IMMP1L: variants seen among roughly 807,000 people sequenced by gnomAD.
The protein encoded by IMMP1L is mitochondrial inner membrane protease subunit 1.
Under a neutral mutation model 21.8 loss-of-function variants are expected in IMMP1L, and 24 were observed. The ratio of observed to expected loss-of-function variants is 1.10; its 90% CI spans 0.80 to 1.55. The LOEUF is 1.55. Ranked by LOEUF, IMMP1L falls within the 40% of genes most tolerant of loss-of-function variation. The pLI is 0.00. For synonymous variants in IMMP1L, 46 were observed against 62.8 expected, an observed-to-expected ratio of 0.73 and a Z score of 1.26; for missense variants, 195 against 200.7, an observed-to-expected ratio of 0.97 and a Z score of 0.17.
chr11:31,501,980 AAAAAAG>A (rs1020719730), intron 1 of IMMP1L, among the ~76,000 whole-genome samples: 2 of 151,894 alleles, frequency 1.3e-5, no homozygotes, highest in African/African-American at 4.8e-5. Flanking sequence ...TGTCTCAAAA[AAAAAAG>A]AAAAAGAAAA....
intron 1 of IMMP1L, among the ~76,000 whole-genome samples, chr11:31,508,819 A>G (rs1296465451): frequency 1.3e-5 from 2 of 152,228 alleles, no homozygotes; most frequent in Non-Finnish European, 2.9e-5. Context: ...TGAAAAAAAA[A>G]TTAAATACAA....
chr11:31,470,288 C>T (rs1954498251), intron 1 of IMMP1L, among the ~76,000 whole-genome samples: 1 of 152,066 alleles, frequency 6.6e-6, no homozygotes, highest in South Asian at 2.1e-4. Context: ...CAGCGCATGC[C>T]TGTAATCCCA....
intron 4 of IMMP1L, among the ~76,000 whole-genome samples, chr11:31,448,166 G>A (rs996449321): frequency 7.2e-5 from 11 of 152,008 alleles, no homozygotes; most frequent in East Asian, 1.9e-4. Flanking sequence ...AAAATTAGCC[G>A]GGCATGGTGG....
chr11:31,463,189 CG>C lies in IMMP1L; in HGVS notation c.87del (p.Tyr29Ter), dbSNP rs1413743678. The C allele has an allele frequency of 2.5e-6, 4 of 1,606,268 alleles. No homozygotes were observed. The highest frequency in any genetic ancestry group is 2.5e-6 in the Non-Finnish European group (3 of 1,176,664). On this transcript the variant is annotated frameshift_variant, in exon 2 of 6. Transcript: ENST00000532287. LOFTEE classifies it high-confidence loss of function. Reference sequence around the variant, plus strand: ...AAACTTACCATGACAACACCACCAACGTATTCAAAAGCACAATGAGCTATAC... The same window carrying C: ...AAACTTACCATGACAACACCACCAACTATTCAAAAGCACAATGAGCTATAC... ...YGCIAHCAFE[Y>X]VGGVVMCSGP...
At chr11:31,437,820 T>C (rs1412773509) in intron 4 of IMMP1L, among the ~76,000 whole-genome samples, 1 of 152,214 alleles carries the variant, frequency 6.6e-6, no homozygotes, top group Non-Finnish European at 1.5e-5. Flanking sequence ...GTTGTGCCTG[T>C]TGCTTAATTT....
At chr11:31,446,288 C>G (rs1170507666) in intron 4 of IMMP1L, among the ~76,000 whole-genome samples, 2 of 152,086 alleles carry the variant, frequency 1.3e-5, no homozygotes, top group East Asian at 3.9e-4. Flanking sequence ...TCAGTTATGC[C>G]TCACTCACAG....
chr11:31,439,788 T>G (rs2133556721), intron 4 of IMMP1L, among the ~76,000 whole-genome samples: 1 of 152,294 alleles, frequency 6.6e-6, no homozygotes, highest in Admixed American at 6.5e-5. Context: ...CTAAGGGCTA[T>G]TTTAGTCCTA....
At chr11:31,481,484 A>G (rs1954889346) in intron 1 of IMMP1L, among the ~76,000 whole-genome samples, 1 of 152,060 alleles carries the variant, frequency 6.6e-6, no homozygotes. Context: ...GGGAGACAAA[A>G]AAACACTTTT....
At chr11:31,433,820 A>G (rs577768226) in intron 4 of IMMP1L, 1 of 330,354 alleles carries the variant, frequency 3.0e-6, no homozygotes, top group South Asian at 5.1e-5. Context: ...TTAATTTGTT[A>G]TACAAACCCC....
At chr11:31,461,245 G>T (rs1326061707) in intron 2 of IMMP1L, among the ~76,000 whole-genome samples, 1 of 152,080 alleles carries the variant, frequency 6.6e-6, no homozygotes, top group Non-Finnish European at 1.5e-5. Flanking sequence ...ATTTCATGGG[G>T]CTGCAACTTA....
intron 4 of IMMP1L, chr11:31,452,739 CA>C: frequency 9.8e-7 from 1 of 1,017,948 alleles, no homozygotes; most frequent in Non-Finnish European, 1.2e-6. Flanking sequence ...GGAAAGCAAA[CA>C]GCATCTTTTT....
At chr11:31,476,291 G>A in intron 1 of IMMP1L, among the ~76,000 whole-genome samples, 1 of 151,992 alleles carries the variant, frequency 6.6e-6, no homozygotes, top group Non-Finnish European at 1.5e-5. Context: ...ATATTGGCAA[G>A]CTTTCTCATT....
chr11:31,494,271 G>T (rs1487151642), intron 1 of IMMP1L, among the ~76,000 whole-genome samples: 1 of 152,188 alleles, frequency 6.6e-6, no homozygotes, highest in Non-Finnish European at 1.5e-5. Flanking sequence ...ACTGACTTAC[G>T]TGCACCCACA....
chr11:31,494,274 C>A (rs1048547362), intron 1 of IMMP1L, among the ~76,000 whole-genome samples: 3 of 152,234 alleles, frequency 2.0e-5, no homozygotes, highest in African/African-American at 7.2e-5. Context: ...GACTTACGTG[C>A]ACCCACAGGC....
chr11:31,471,623 A>C (rs1188486521), intron 1 of IMMP1L, among the ~76,000 whole-genome samples: 3 of 152,218 alleles, frequency 2.0e-5, no homozygotes, highest in Non-Finnish European at 2.9e-5. Flanking sequence ...AAAGGGAAGA[A>C]AAATATGAGT....
At chr11:31,505,265 A>G (rs530647201) in intron 1 of IMMP1L, among the ~76,000 whole-genome samples, 3 of 151,672 alleles carry the variant, frequency 2.0e-5, no homozygotes, top group Admixed American at 2.0e-4. Flanking sequence ...TATGGGAAAC[A>G]TTGTGGACAT....
chr11:31,443,566 C>A (rs747149339), intron 4 of IMMP1L, among the ~76,000 whole-genome samples: 3 of 152,084 alleles, frequency 2.0e-5, no homozygotes, highest in African/African-American at 7.2e-5. Context: ...TAATTAAGGC[C>A]GAGGAGTATC....
chr11:31,497,675 T>C (rs912426830), intron 1 of IMMP1L, among the ~76,000 whole-genome samples: 8 of 152,194 alleles, frequency 5.3e-5, no homozygotes, highest in African/African-American at 1.4e-4. Flanking sequence ...TTAGCCAGTA[T>C]GGTCTCGATC....
At chr11:31,472,737 G>A (rs1403041229) in intron 1 of IMMP1L, among the ~76,000 whole-genome samples, 2 of 152,170 alleles carry the variant, frequency 1.3e-5, no homozygotes, top group Non-Finnish European at 2.9e-5. Flanking sequence ...GTGTCATACA[G>A]CAAAAGAAGT....
Sources: gnomAD v4.1 joint callset for allele counts (sites outside exome capture counted in the v4.1 genomes callset) on GRCh38, gnomAD v4.1.1 for gene constraint, MANE v1.5 for transcripts, NCBI Gene and HGNC (gene_info 2026-07-23, HGNC 2026-07-21) for gene names.